The following EML1 variants were observed in gnomAD, a reference collection of about 807,000 sequenced individuals.
EML1 encodes the protein EMAP like 1.
Under a neutral mutation model 110.4 loss-of-function variants are expected in EML1, and 27 were observed. The ratio of observed to expected loss-of-function variants is 0.24; its 90% CI spans 0.18 to 0.34. The LOEUF (loss-of-function observed/expected upper bound fraction) is 0.34, where lower values mean the gene tolerates loss of function less well. EML1 is among the 10% of genes least tolerant of loss of function. The pLI is 1.00. For synonymous variants in EML1, 344 were observed against 385.8 expected, an observed-to-expected ratio of 0.89 and a Z score of 1.27; for missense variants, 741 against 1,030.9, an observed-to-expected ratio of 0.72 and a Z score of 3.85.
At chr14:99,753,323 A>G (rs1488274265) in intron 1 of EML1, among the ~76,000 whole-genome samples, 1 of 150,986 alleles carries the variant, frequency 6.6e-6, no homozygotes, top group Non-Finnish European at 1.5e-5. Context: ...TCCTCATTGC[A>G]ATTAAGTCCG....
intron 1 of EML1, among the ~76,000 whole-genome samples, chr14:99,844,988 G>A (rs1050708475): frequency 3.3e-5 from 5 of 152,142 alleles, no homozygotes; most frequent in Admixed American, 6.5e-5. Flanking sequence ...AAACATTGGC[G>A]TATCGGTTTT....
chr14:99,803,799 A>G (rs1007946063), intron 1 of EML1, among the ~76,000 whole-genome samples: 1 of 152,240 alleles, frequency 6.6e-6, no homozygotes, highest in Non-Finnish European at 1.5e-5. Context: ...TCTTAGAAAA[A>G]TATGTTCCAG....
intron 5 of EML1, among the ~76,000 whole-genome samples, chr14:99,891,462 G>GT (rs2059586956): frequency 1.3e-5 from 2 of 152,178 alleles, no homozygotes; most frequent in South Asian, 2.1e-4. Context: ...CAAAACCAAC[G>GT]TAAGACATGC....
chr14:99,791,583 G>A (rs749794858), upstream of EML1, among the ~76,000 whole-genome samples: 7 of 152,108 alleles, frequency 4.6e-5, no homozygotes, highest in South Asian at 2.1e-4. Context: ...TGCTGTCCCC[G>A]CTTGACCTTC....
intron 2 of EML1, among the ~76,000 whole-genome samples, chr14:99,854,436 GC>G (rs751910542): frequency 7.9e-5 from 12 of 152,162 alleles, no homozygotes; most frequent in Non-Finnish European, 1.2e-4. Flanking sequence ...TGAGATTGTG[GC>G]CCACTGTAAT....
At chr14:99,830,066 CA>C (rs1264513445) in intron 1 of EML1, among the ~76,000 whole-genome samples, 4 of 152,182 alleles carry the variant, frequency 2.6e-5, no homozygotes, top group African/African-American at 9.7e-5. Context: ...GAGGATCTGC[CA>C]AAACTGTTTT....
intron 13 of EML1, among the ~76,000 whole-genome samples, chr14:99,913,263 C>T (rs2059975938): frequency 6.6e-6 from 1 of 151,920 alleles, no homozygotes; most frequent in Non-Finnish European, 1.5e-5. Context: ...GCCTCTGCCT[C>T]CCAGGCTCAA....
At chr14:99,913,435 C>G (rs991761773) in intron 13 of EML1, among the ~76,000 whole-genome samples, 2 of 152,098 alleles carry the variant, frequency 1.3e-5, no homozygotes, top group Non-Finnish European at 2.9e-5. Context: ...CCTCGGCCCC[C>G]CAAAGTGCTG....
intron 2 of EML1, among the ~76,000 whole-genome samples, chr14:99,864,609 C>T (rs2059060815): frequency 2.6e-5 from 4 of 151,914 alleles, no homozygotes; most frequent in Middle Eastern, 3.4e-3. Flanking sequence ...GTCAGGAGTT[C>T]GAGACCAGCC....
chr14:99,915,883 C>T (rs758896723), intron 15 of EML1, among the ~76,000 whole-genome samples: 4 of 152,306 alleles, frequency 2.6e-5, no homozygotes, highest in South Asian at 2.1e-4. Flanking sequence ...TGGCATGTCC[C>T]AGGTGCTAGG....
intron 2 of EML1, among the ~76,000 whole-genome samples, chr14:99,861,040 T>C (rs1292108095): frequency 6.6e-6 from 1 of 152,242 alleles, no homozygotes; most frequent in Non-Finnish European, 1.5e-5. Context: ...TATTATGAGA[T>C]TGAATTTTGA....
chr14:99,928,608 ACT>A (rs1157591981), intron 17 of EML1, among the ~76,000 whole-genome samples: 2 of 152,018 alleles, frequency 1.3e-5, no homozygotes, highest in Non-Finnish European at 2.9e-5. Context: ...CTATGCTGAC[ACT>A]CTTGGAAACT....
intron 1 of EML1, among the ~76,000 whole-genome samples, chr14:99,843,038 G>A (rs1056887539): frequency 6.6e-6 from 1 of 152,178 alleles, no homozygotes; most frequent in Non-Finnish European, 1.5e-5. Flanking sequence ...ATAATCGCTT[G>A]AGGCTAGGAG....
chr14:99,917,731 C>G, intron 15 of EML1, 51 bp from the exon 16 acceptor site: 1 of 1,580,364 alleles, frequency 6.3e-7, no homozygotes, highest in Non-Finnish European at 8.7e-7. Flanking sequence ...GTGTTTTATG[C>G]TATAGTGTTC....
chr14:99,749,336 G>GCC lies in EML1; in HGVS notation c.28+11482_28+11483dup, dbSNP rs56820470. Among the ~76,000 whole-genome samples the GCC allele has an allele frequency of 1.8e-3, 278 of 152,004 alleles. 2 individuals are homozygous for GCC. Among genetic ancestry groups the GCC allele is most frequent in the African/African-American group, 6.2e-3 (257 of 41,446 alleles). ...CACCGGCACCTGTTACTGTCTTCTC[G>GCC]CCCCCCCAGCCATCCTAGTGGTGTG... On this transcript the variant is annotated intron_variant, in intron 1 of 10. Transcript: ENST00000554479.
rs561388962 is a variant in EML1, at chr14:99,940,129, T to C, written c.*17T>C. The C allele has an allele frequency of 2.0e-6, 3 of 1,521,436 alleles. No homozygotes were observed. In the African/African-American group the frequency reaches 4.3e-5, roughly 22 times the overall value. The allele number at this position is 1,521,436 out of a possible 1,614,324, so 94.2% of individuals were successfully genotyped here. ...GTCATTTAGTACCCACCGAGAGCTG[T>C]GGGGAGCAGCATGGGCAAGGAAGAC... On this transcript the variant is annotated 3_prime_UTR_variant, in exon 22 of 22. Transcript: ENST00000262233.
At chr14:99,847,469 C>T (rs1053614423) in intron 1 of EML1, among the ~76,000 whole-genome samples, 1 of 152,140 alleles carries the variant, frequency 6.6e-6, no homozygotes, top group Non-Finnish European at 1.5e-5. Flanking sequence ...CCCACCTAAG[C>T]CTCCCAAGTA....
chr14:99,757,053 A>G (rs1056498477), intron 1 of EML1, among the ~76,000 whole-genome samples: 10 of 152,220 alleles, frequency 6.6e-5, no homozygotes, highest in African/African-American at 2.2e-4. Context: ...TTTAACAATC[A>G]TTAAGGCTGG....
intron 9 of EML1, among the ~76,000 whole-genome samples, chr14:99,906,182 T>C (rs1285760069): frequency 6.6e-6 from 1 of 152,156 alleles, no homozygotes; most frequent in Non-Finnish European, 1.5e-5. Context: ...CATCGCTTCA[T>C]GGTCACCAGA....
Sources: allele counts gnomAD v4.1 joint callset (sites outside exome capture counted in the v4.1 genomes callset), GRCh38; gene constraint gnomAD v4.1.1; transcripts MANE v1.5; gene names NCBI Gene and HGNC (gene_info 2026-07-23, HGNC 2026-07-21).